Variants in MED13L observed in about 807,000 individuals in gnomAD.
MED13L encodes mediator of RNA polymerase II transcription subunit 13-like.
Under a neutral mutation model 220.9 loss-of-function variants are expected in MED13L, and 7 were observed. That is an observed-to-expected ratio of 0.03 (90% confidence interval 0.02 to 0.06). MED13L has a LOEUF of 0.06. Among genes scored for constraint, MED13L ranks in the 10% least tolerant of loss-of-function variants. The pLI is 1.00. For missense variants in MED13L, 1,965 were observed against 2,760.5 expected, an observed-to-expected ratio of 0.71 and a Z score of 6.46; for synonymous variants, 1,011 against 1,015.2, an observed-to-expected ratio of 1.00 and a Z score of 0.08.
intron 2 of MED13L, among the ~76,000 whole-genome samples, chr12:116,200,459 GA>G (rs1223042709): frequency 6.6e-6 from 1 of 152,098 alleles, no homozygotes; most frequent in East Asian, 1.9e-4. Context: ...AAACAGGTGA[GA>G]AAAATAATCT....
At chr12:116,128,873 T>C (rs988797210) in intron 2 of MED13L, among the ~76,000 whole-genome samples, 2 of 152,124 alleles carry the variant, frequency 1.3e-5, no homozygotes, top group Non-Finnish European at 2.9e-5. Context: ...CTAAGGTCCC[T>C]ACAGTATTTA....
At chr12:116,035,494 T>C (rs1881128327) in intron 4 of MED13L, among the ~76,000 whole-genome samples, 2 of 152,302 alleles carry the variant, frequency 1.3e-5, no homozygotes, top group South Asian at 4.1e-4. Flanking sequence ...TAAGGTATCA[T>C]ATAACTCACT....
At chr12:116,252,788 A>G (rs1038057067) in intron 1 of MED13L, among the ~76,000 whole-genome samples, 1 of 152,164 alleles carries the variant, frequency 6.6e-6, no homozygotes, top group Non-Finnish European at 1.5e-5. Context: ...AAGAACAGAC[A>G]CACTACCAAT....
chr12:116,136,703 A>G (rs997851585), intron 2 of MED13L, among the ~76,000 whole-genome samples: 1 of 152,198 alleles, frequency 6.6e-6, no homozygotes, highest in African/African-American at 2.4e-5. Context: ...TTATGCTCTT[A>G]ATCTGTATTT....
At chr12:116,035,609 G>A (rs1475758830) in intron 4 of MED13L, among the ~76,000 whole-genome samples, 1 of 151,618 alleles carries the variant, frequency 6.6e-6, no homozygotes, top group Admixed American at 6.6e-5. Flanking sequence ...AATTTATTTA[G>A]AGACAGGGTC....
At chr12:116,276,522 T>G in intron 1 of MED13L, 1 of 1,283,404 alleles carries the variant, frequency 7.8e-7, no homozygotes, top group South Asian at 1.2e-5. Flanking sequence ...CGCGGGAGCT[T>G]CGGGTGCAAG....
intron 4 of MED13L, among the ~76,000 whole-genome samples, chr12:116,074,440 C>G (rs190207353): frequency 6.6e-6 from 1 of 152,106 alleles, no homozygotes; most frequent in African/African-American, 2.4e-5. Context: ...ATTTAAAATA[C>G]GCCCAATTTT....
chr12:115,991,302 G>A lies in MED13L; in HGVS notation c.3652C>T (p.Pro1218Ser). Residue 1218 changes from proline (P) to serine (S), a missense_variant, in exon 17 of 31, where the codon CCC becomes TCC. Coordinates refer to ENST00000281928, the MANE Select transcript of MED13L (RefSeq NM_015335.5). This position sits in a 1 kb window ranked among gnomAD's most constrained non-coding sequence, Gnocchi z 7.7. ...AGAAGGCTTATGGGTGGCTCCTGGGGTTTTTTGGTTCCTTCCACCTGAGGA... is the reference window on the plus strand; with the variant it reads ...AGAAGGCTTATGGGTGGCTCCTGGGATTTTTTGGTTCCTTCCACCTGAGGA... ...FLPQVEGTKK[P>S]QEPPISLLLL... 3 of 1,614,056 alleles carry A rather than the reference G, an allele frequency of 1.9e-6. No homozygotes were observed. The highest frequency in any genetic ancestry group is 2.5e-6 in the Non-Finnish European group (3 of 1,180,022).
chr12:115,979,203 T>C (rs1018077908), intron 23 of MED13L, among the ~76,000 whole-genome samples: 8 of 152,232 alleles, frequency 5.3e-5, no homozygotes, highest in African/African-American at 1.9e-4. Context: ...TACTTCTCTC[T>C]TCCTGTTCCA....
chr12:115,984,595 T>TA (rs56750618), intron 19 of MED13L, among the ~76,000 whole-genome samples: 45 of 146,876 alleles, frequency 3.1e-4, no homozygotes, highest in Non-Finnish European at 3.0e-4. Context: ...CTAGGCTCTC[T>TA]AAAAAAAAAA....
At position 116,277,221 on chromosome 12, in the gene MED13L, G is replaced by T; in HGVS notation, c.-90C>A. On this transcript the variant is annotated 5_prime_UTR_variant, in exon 1 of 31. Coordinates refer to ENST00000281928, the MANE Select transcript of MED13L (RefSeq NM_015335.5). ...GGCCGGGCGGCGGCGCCTCGCCGGG[G>T]AGCGCGGGGCGGCCGGGCCGCCGCC... The T allele has an allele frequency of 1.3e-6, 1 of 744,718 alleles. No homozygotes were observed. Among genetic ancestry groups the T allele is most frequent in the South Asian group, 5.6e-5 (1 of 17,762 alleles). 46.1% of individuals were successfully genotyped at this position (744,718 alleles called of 1,614,324 possible).
intron 30 of MED13L, among the ~76,000 whole-genome samples, chr12:115,961,902 G>A (rs569811145): frequency 2.6e-5 from 4 of 152,012 alleles, no homozygotes; most frequent in South Asian, 2.1e-4. Context: ...ACCTGTGGGC[G>A]GAGGTTGCAG....
At chr12:116,240,293 C>G (rs1477440127) in intron 1 of MED13L, among the ~76,000 whole-genome samples, 1 of 151,926 alleles carries the variant, frequency 6.6e-6, no homozygotes, top group Admixed American at 6.6e-5. Context: ...AACGGGGTTT[C>G]ATCATGCTGG....
chr12:116,185,678 C>CTT (rs947931021), intron 2 of MED13L, among the ~76,000 whole-genome samples: 1 of 55,530 alleles, frequency 1.8e-5, no homozygotes, highest in Non-Finnish European at 3.5e-5. Flanking sequence ...CTTTTCTTTT[C>CTT]TTTTCTTTTC....
At chr12:116,121,659 T>C (rs1024850963) in intron 2 of MED13L, among the ~76,000 whole-genome samples, 3 of 152,204 alleles carry the variant, frequency 2.0e-5, no homozygotes, top group Non-Finnish European at 2.9e-5. Flanking sequence ...AAAGAATACA[T>C]ATTTCCTCTG....
intron 1 of MED13L, among the ~76,000 whole-genome samples, chr12:116,271,040 C>CAAAA (rs58162276): frequency 0.058 from 1,737 of 29,768 alleles, 155 homozygotes; most frequent in East Asian, 0.22. Context: ...GACTCCGTCT[C>CAAAA]AAAAAAAAAA....
chr12:116,072,617 A>C (rs890892974), intron 4 of MED13L, among the ~76,000 whole-genome samples: 2 of 152,080 alleles, frequency 1.3e-5, no homozygotes, highest in Non-Finnish European at 1.5e-5. Context: ...ATGCCCGGCT[A>C]ATTTTTGTAT....
rs959159401 is a variant in MED13L at position 116,165,312 on chromosome 12, A to G, written c.311-53800T>C. ...TGACTACTAGACAAACTTTCTGACT[A>G]GAATGCCTATGTCCACTTTTTTGTT... On this transcript the variant is annotated intron_variant, in intron 2 of 30. Transcript: ENST00000281928. Among the ~76,000 whole-genome samples, 5 of 114,234 alleles carry G rather than the reference A, an allele frequency of 4.4e-5. 1 individual carries two copies. The highest frequency in any genetic ancestry group is 0.013 in the Middle Eastern group (2 of 152). 74.9% of individuals were successfully genotyped at this position (114,234 alleles called of 152,430 possible).
At chr12:116,157,733 A>G (rs776648345) in intron 2 of MED13L, among the ~76,000 whole-genome samples, 4 of 152,240 alleles carry the variant, frequency 2.6e-5, no homozygotes, top group Non-Finnish European at 5.9e-5. Context: ...ACATTACGTT[A>G]TTATGGTGCT....
Sources: gnomAD v4.1 joint callset for allele counts (sites outside exome capture counted in the v4.1 genomes callset) on GRCh38, gnomAD v4.1.1 for gene constraint, Gnocchi (gnomAD v3.1) non-coding constraint, MANE v1.5 for transcripts, NCBI Gene and HGNC (gene_info 2026-07-23, HGNC 2026-07-21) for gene names.